GUCY1A2: variants seen among roughly 807,000 people sequenced by gnomAD.
The protein encoded by GUCY1A2 is guanylate cyclase soluble subunit alpha-2.
Under a neutral mutation model 63.5 loss-of-function variants are expected in GUCY1A2, and 27 were observed. That is an observed-to-expected ratio of 0.43 (90% CI 0.31 to 0.59). The LOEUF is 0.59. Among genes scored for constraint, GUCY1A2 ranks in the 20% least tolerant of loss-of-function variants. The probability of loss-of-function intolerance (pLI) is 0.11; values close to 1 mark genes in which losing one functional copy is unlikely to be tolerated. For missense variants in GUCY1A2, 768 were observed against 913.3 expected (o/e 0.84, Z 2.05); for synonymous variants, 364 against 343.5 (o/e 1.06, Z -0.66).
chr11:106,909,355 C>CTGTGTGTGGGTGTGTGTGTG (rs1860259639), intron 4 of GUCY1A2, among the ~76,000 whole-genome samples: 1 of 119,980 alleles, frequency 8.3e-6, no homozygotes, highest in African/African-American at 3.2e-5. Flanking sequence ...TGGTACTCAT[C>CTGTGTGTGGGTGTGTGTGTG]TGTGTGTGTG....
At chr11:106,816,075 C>T (rs1858826972) in intron 4 of GUCY1A2, among the ~76,000 whole-genome samples, 1 of 141,742 alleles carries the variant, frequency 7.1e-6, no homozygotes, top group African/African-American at 2.6e-5. Flanking sequence ...ACCTTAACAA[C>T]AAAATCTACA....
chr11:106,998,158 C>T (rs962487456), intron 1 of GUCY1A2, among the ~76,000 whole-genome samples: 9 of 152,106 alleles, frequency 5.9e-5, no homozygotes, highest in African/African-American at 1.9e-4. Flanking sequence ...GGGACATTTT[C>T]GAAGACCTCC....
intron 6 of GUCY1A2, among the ~76,000 whole-genome samples, chr11:106,750,749 T>A (rs182648722): frequency 1.3e-5 from 2 of 151,978 alleles, no homozygotes; most frequent in African/African-American, 2.4e-5. Flanking sequence ...AAAAAAATTA[T>A]GTATTTTCAT....
intron 6 of GUCY1A2, among the ~76,000 whole-genome samples, chr11:106,717,041 A>G (rs1019554266): frequency 6.6e-6 from 1 of 152,114 alleles, no homozygotes; most frequent in East Asian, 1.9e-4. Flanking sequence ...GTTCATGGTA[A>G]TATCAATTTT....
At chr11:106,858,159 G>T (rs921990817) in intron 4 of GUCY1A2, among the ~76,000 whole-genome samples, 4 of 152,080 alleles carry the variant, frequency 2.6e-5, no homozygotes, top group African/African-American at 9.7e-5. Flanking sequence ...TCAAAAGATA[G>T]ATATCTCTTA....
chr11:107,003,728 C>T (rs2120189018), intron 1 of GUCY1A2, among the ~76,000 whole-genome samples: 1 of 152,266 alleles, frequency 6.6e-6, no homozygotes, highest in African/African-American at 2.4e-5. Flanking sequence ...GCCACCTTCC[C>T]ATTACTGAAT....
At position 106,922,108 on chromosome 11, in the gene GUCY1A2, T is replaced by C. The variant is rs544982304; in HGVS notation, c.1206+17352A>G. ...TAGGTTGCTTTCCTCATGAAATTGA[T>C]TCTAAGTGAGATATCAGCAGACGAG... is the stretch of plus-strand genomic sequence containing the variant. On this transcript the variant is annotated intron_variant, in intron 4 of 7. Transcript: ENST00000526355. Among the ~76,000 whole-genome samples the C allele has an allele frequency of 1.2e-4, 18 of 152,282 alleles. 1 individual carries two copies. In the South Asian group the frequency reaches 3.5e-3, roughly 30 times the overall value.
At chr11:106,726,307 T>G (rs1334390847) in intron 6 of GUCY1A2, among the ~76,000 whole-genome samples, 1 of 151,870 alleles carries the variant, frequency 6.6e-6, no homozygotes, top group Non-Finnish European at 1.5e-5. Flanking sequence ...TCCCAGCTAC[T>G]TGGGGGGCTG....
At chr11:106,985,957 C>A in intron 2 of GUCY1A2, 113 bp downstream of exon 2, 1 of 705,202 alleles carries the variant, frequency 1.4e-6, no homozygotes, top group Admixed American at 2.0e-5. Context: ...GAAAACATAG[C>A]CACTATAAAA....
chr11:106,839,279 T>C (rs1051777102), intron 4 of GUCY1A2, among the ~76,000 whole-genome samples: 2 of 151,980 alleles, frequency 1.3e-5, no homozygotes, highest in African/African-American at 4.8e-5. Context: ...AAAGATCAGA[T>C]AGTTGTAGAT....
At chr11:106,907,155 T>A (rs556164967) in intron 4 of GUCY1A2, among the ~76,000 whole-genome samples, 1 of 152,126 alleles carries the variant, frequency 6.6e-6, no homozygotes, top group African/African-American at 2.4e-5. Context: ...CTGAGCCTCC[T>A]GAACCAAAGA....
chr11:106,985,972 G>A lies in GUCY1A2; in HGVS notation c.365+98C>T, dbSNP rs556858100. On this transcript the variant is annotated intron_variant, in intron 2 of 7. Coordinates refer to ENST00000526355, the MANE Select transcript of GUCY1A2 (RefSeq NM_000855.3). The stretch of plus-strand genomic sequence containing the variant: ...GAAAACATAGCCACTATAAAATCAG[G>A]TTGACCTGGGTAGCAGAAAATCACA... 4.0e-6 allele frequency: 3 copies of A among 745,062 alleles called. No homozygotes were observed. The South Asian group carries it at 4.6e-5, about 11-fold the overall frequency. 46.2% of individuals were successfully genotyped at this position (745,062 alleles called of 1,614,324 possible).
chr11:106,775,104 G>A (rs755107769), intron 6 of GUCY1A2, among the ~76,000 whole-genome samples: 55 of 151,480 alleles, frequency 3.6e-4, no homozygotes, highest in Non-Finnish European at 5.3e-4. Flanking sequence ...TTTATTACTC[G>A]TTTTAATAAC....
chr11:106,795,608 T>C (rs1864743553), intron 5 of GUCY1A2, among the ~76,000 whole-genome samples: 1 of 150,932 alleles, frequency 6.6e-6, no homozygotes, highest in Non-Finnish European at 1.5e-5. Flanking sequence ...GCGATTTTGT[T>C]TCAACTGATT....
At chr11:106,925,943 T>C (rs988035270) in intron 4 of GUCY1A2, among the ~76,000 whole-genome samples, 1 of 152,172 alleles carries the variant, frequency 6.6e-6, no homozygotes, top group Non-Finnish European at 1.5e-5. Flanking sequence ...CAATCTCTGA[T>C]TAGGGTAAGG....
chr11:106,843,759 G>T (rs1244295977), intron 4 of GUCY1A2, among the ~76,000 whole-genome samples: 1 of 151,850 alleles, frequency 6.6e-6, no homozygotes, highest in Non-Finnish European at 1.5e-5. Flanking sequence ...CTAGAATTTA[G>T]TTCTCCTGAC....
At chr11:106,704,190 T>A (rs1373959174) in intron 7 of GUCY1A2, among the ~76,000 whole-genome samples, 1 of 152,186 alleles carries the variant, frequency 6.6e-6, no homozygotes, top group Non-Finnish European at 1.5e-5. Context: ...CATGGCTAAA[T>A]TTATAAATTA....
intron 3 of GUCY1A2, among the ~76,000 whole-genome samples, chr11:106,961,450 A>T (rs1861056774): frequency 6.6e-6 from 1 of 152,194 alleles, no homozygotes. Flanking sequence ...GATTCCCTCA[A>T]CACTATTTAA....
At chr11:106,827,934 G>T in intron 4 of GUCY1A2, 1 of 1,195,146 alleles carries the variant, frequency 8.4e-7, no homozygotes, top group Non-Finnish European at 1.2e-6. Flanking sequence ...CGGCGGAACA[G>T]CGAGACTCTG....
Sources: allele counts gnomAD v4.1 joint callset (sites outside exome capture counted in the v4.1 genomes callset), GRCh38; gene constraint gnomAD v4.1.1; transcripts MANE v1.5; gene names NCBI Gene and HGNC (gene_info 2026-07-23, HGNC 2026-07-21).